Variants in SLC4A4 observed in about 807,000 individuals in gnomAD.
SLC4A4 encodes the protein electrogenic sodium bicarbonate cotransporter 1.
A neutral mutation model predicts 111.5 loss-of-function variants in SLC4A4; 27 were observed. The ratio of observed to expected loss-of-function variants is 0.24; its 90% CI spans 0.18 to 0.33. The LOEUF (loss-of-function observed/expected upper bound fraction) is 0.33, where lower values mean the gene tolerates loss of function less well. Among genes scored for constraint, SLC4A4 ranks in the 10% least tolerant of loss-of-function variants. The pLI is 1.00. For synonymous variants in SLC4A4, 443 were observed against 463.4 expected (o/e 0.96, Z 0.57); for missense variants, 909 against 1,315.5 (o/e 0.69, Z 4.78).
chr4:71,545,355 C>A (rs563992918), intron 18 of SLC4A4, among the ~76,000 whole-genome samples: 1 of 152,070 alleles, frequency 6.6e-6, no homozygotes, highest in African/African-American at 2.4e-5. Flanking sequence ...TAGTGTAAAT[C>A]ACATCCTCAT....
chr4:71,236,045 G>C (rs1719776376), intron 1 of SLC4A4: 1 of 993,400 alleles, frequency 1.0e-6, no homozygotes, highest in African/African-American at 1.7e-5. Context: ...GAGGCTGGCT[G>C]GAAGCTAGGC....
chr4:71,168,493 G>A (rs563836166), intron 2 of SLC4A4, among the ~76,000 whole-genome samples: 1 of 151,984 alleles, frequency 6.6e-6, no homozygotes, highest in South Asian at 2.1e-4. Context: ...TCTTTTAAAT[G>A]TACAATTAAA....
chr4:71,426,728 G>A (rs533054225), intron 7 of SLC4A4, among the ~76,000 whole-genome samples: 4 of 152,058 alleles, frequency 2.6e-5, no homozygotes, highest in Non-Finnish European at 5.9e-5. Context: ...TAATTGCCAA[G>A]GTTATATTAT....
intron 2 of SLC4A4, among the ~76,000 whole-genome samples, chr4:71,113,369 T>C (rs1743148606): frequency 6.6e-6 from 1 of 152,190 alleles, no homozygotes; most frequent in Non-Finnish European, 1.5e-5. Context: ...GATACTTCAT[T>C]AGCAGAGTGG....
rs1321642345 is a variant in SLC4A4, at chr4:71,568,669, G to A, written c.*918G>A. On this transcript the variant is annotated 3_prime_UTR_variant, in exon 26 of 26. Coordinates refer to ENST00000264485, the MANE Select transcript of SLC4A4 (RefSeq NM_001098484.3). The stretch of plus-strand genomic sequence containing the variant: ...CTGTAAAGAAAATGAATTTTTTCCT[G>A]CAGCAGGAAACATAGTTTTGAGTAG... 6.6e-6 allele frequency: 1 copy of A among 151,836 alleles called. No individual in the cohort carries two copies. Among genetic ancestry groups the A allele is most frequent in the Non-Finnish European group, 1.5e-5 (1 of 67,744 alleles). The allele number at this position is 151,836 out of a possible 1,614,324, so 9.4% of individuals were successfully genotyped here. A position where few individuals can be genotyped will look rare whatever the true frequency, so the allele number is the denominator to read the frequency against.
intron 2 of SLC4A4, among the ~76,000 whole-genome samples, chr4:71,156,567 CGCGCAT>C (rs55759937): frequency 0.11 from 1,781 of 15,874 alleles, 22 homozygotes; most frequent in Middle Eastern, 0.31. Flanking sequence ...TAAGTGTGTG[CGCGCAT>C]GCGCGCGCGC....
At chr4:71,139,035 CAAAAA>C (rs5859250) in intron 2 of SLC4A4, among the ~76,000 whole-genome samples, 5 of 42,840 alleles carry the variant, frequency 1.2e-4, no homozygotes, top group African/African-American at 2.9e-4. Flanking sequence ...GACTCCGTCT[CAAAAA>C]AAAAAAAAAA....
Position 71,511,701 on chromosome 4 carries a change from T to G in SLC4A4, c.2166+14009T>G, listed in dbSNP as rs1363527628. Among the ~76,000 whole-genome samples, 5 of 152,256 alleles carry G rather than the reference T, an allele frequency of 3.3e-5. No individual in the cohort carries two copies. The East Asian group carries it at 9.6e-4, about 29-fold the overall frequency. ...TAAGTATAGTCACTCTAACCTTTTA[T>G]CAAACATTGAATTTGATCCTTCTGT... On this transcript the variant is annotated intron_variant, in intron 16 of 25. Coordinates refer to ENST00000264485, the MANE Select transcript of SLC4A4 (RefSeq NM_001098484.3).
intron 2 of SLC4A4, among the ~76,000 whole-genome samples, chr4:71,253,166 A>G (rs746784223): frequency 7.8e-4 from 119 of 152,314 alleles, no homozygotes; most frequent in East Asian, 1.9e-4. Context: ...GACAACTCAA[A>G]GTAGGTTCCA....
At chr4:71,534,144 G>A (rs1328343864) in intron 17 of SLC4A4, 83 bp from the exon 18 acceptor site, 1 of 1,120,958 alleles carries the variant, frequency 8.9e-7, no homozygotes, top group East Asian at 2.4e-5. Flanking sequence ...AAATATAAAA[G>A]CATGTCTTCC....
At chr4:71,373,430 G>A (rs1172868157) in intron 6 of SLC4A4, among the ~76,000 whole-genome samples, 3 of 152,192 alleles carry the variant, frequency 2.0e-5, no homozygotes, top group East Asian at 3.9e-4. Context: ...ATATATTTCC[G>A]TAAATAGAGA....
At chr4:71,477,149 C>G (rs773613204) in intron 14 of SLC4A4, among the ~76,000 whole-genome samples, 1 of 151,594 alleles carries the variant, frequency 6.6e-6, no homozygotes, top group Non-Finnish European at 1.5e-5. Context: ...TCAGTGTTAC[C>G]CAGAACTAGG....
chr4:71,493,641 CTCTG>C (rs1294389653), intron 15 of SLC4A4, among the ~76,000 whole-genome samples: 1 of 151,816 alleles, frequency 6.6e-6, no homozygotes, highest in Non-Finnish European at 1.5e-5. Context: ...ACGTCTCTCT[CTCTG>C]TCTTTCTCTC....
chr4:71,244,445 A>C (rs1720482461), intron 2 of SLC4A4, among the ~76,000 whole-genome samples: 1 of 152,212 alleles, frequency 6.6e-6, no homozygotes, highest in African/African-American at 2.4e-5. Flanking sequence ...ACTTCCAGTA[A>C]GCCATTAAGA....
chr4:71,265,668 C>T (rs1722190964), intron 3 of SLC4A4, among the ~76,000 whole-genome samples: 1 of 152,126 alleles, frequency 6.6e-6, no homozygotes, highest in Non-Finnish European at 1.5e-5. Context: ...GTGGCCTCTA[C>T]CTGCCTTATC....
intron 3 of SLC4A4, among the ~76,000 whole-genome samples, chr4:71,271,340 A>G (rs1002811185): frequency 6.6e-6 from 1 of 152,202 alleles, no homozygotes; most frequent in African/African-American, 2.4e-5. Context: ...TAGGACTTGA[A>G]CATTCCAAAT....
intron 3 of SLC4A4, among the ~76,000 whole-genome samples, chr4:71,277,012 C>A (rs189242934): frequency 3.8e-4 from 58 of 152,240 alleles, no homozygotes; most frequent in Non-Finnish European, 7.1e-4. Flanking sequence ...CCACTGCACT[C>A]CAGCCTGGGT....
rs1722440740 is a variant in SLC4A4, at chr4:71,268,155, C to T, written c.253+12756C>T. Among the ~76,000 whole-genome samples, 11 of 120,318 alleles carry T rather than the reference C, an allele frequency of 9.1e-5. No homozygotes were observed. The Admixed American group carries it at 1.3e-3, about 14-fold the overall frequency. The allele number at this position is 120,318 out of a possible 152,430, so 78.9% of individuals were successfully genotyped here. ...ATTGACACGTGAGGTGCATTCTTAT[C>T]TTCTCAAGTGGCTCTATGATTTTGT... On this transcript the variant is annotated intron_variant, in intron 3 of 25. Transcript: ENST00000264485.
intron 2 of SLC4A4, among the ~76,000 whole-genome samples, chr4:71,094,788 T>C (rs1258380535): frequency 6.9e-6 from 1 of 145,248 alleles, no homozygotes; most frequent in Non-Finnish European, 1.5e-5. Flanking sequence ...GAGTCCTCAT[T>C]TTTCCAGGAC....
Sources: allele counts gnomAD v4.1 joint callset (sites outside exome capture counted in the v4.1 genomes callset), GRCh38; gene constraint gnomAD v4.1.1; transcripts MANE v1.5; gene names NCBI Gene and HGNC (gene_info 2026-07-23, HGNC 2026-07-21).